SH3RF3: variants seen among roughly 807,000 people sequenced by gnomAD.
SH3RF3 encodes E3 ubiquitin-protein ligase SH3RF3.
SH3RF3 carries 29 observed loss-of-function variants against 66.3 expected under a neutral mutation model. That is an observed-to-expected ratio of 0.44 (90% CI 0.33 to 0.60). SH3RF3 has a LOEUF of 0.60. SH3RF3 is among the 20% of genes least tolerant of loss of function. SH3RF3 has a pLI of 0.04. For missense variants in SH3RF3, 1,194 were observed against 1,190.9 expected (o/e 1.00, Z -0.04); for synonymous variants, 583 against 532.0 (o/e 1.10, Z -1.32).
At chr2:109,232,526 C>T (rs992158854) in intron 1 of SH3RF3, among the ~76,000 whole-genome samples, 1 of 152,120 alleles carries the variant, frequency 6.6e-6, no homozygotes, top group Non-Finnish European at 1.5e-5. Flanking sequence ...AACAGCACAG[C>T]GTCTCCCATG....
intron 1 of SH3RF3, among the ~76,000 whole-genome samples, chr2:109,144,413 C>A (rs936016928): frequency 2.6e-5 from 4 of 152,126 alleles, no homozygotes; most frequent in African/African-American, 9.7e-5. Flanking sequence ...ACAAGCAGAC[C>A]TAGCTTTCAC....
chr2:109,437,138 T>G lies in SH3RF3; in HGVS notation c.1820T>G (p.Ile607Ser). Residue 607 changes from isoleucine (I) to serine (S), a missense_variant, in exon 7 of 10, where the codon ATT (isoleucine) becomes AGT (serine). Transcript: ENST00000309415. ...ACGGCCAGCCAAGCCCGGAGCACCA[T>G]TTCAACAGGTACCTTCACAGGGGCC... ...QPTASQARST[I>S]STAAHSAAQA... 1 of 1,610,044 alleles carries G rather than the reference T, an allele frequency of 6.2e-7. No individual in the cohort carries two copies. The highest frequency in any genetic ancestry group is 8.5e-7 in the Non-Finnish European group (1 of 1,177,452).
At chr2:109,150,186 C>T (rs1029512583) in intron 1 of SH3RF3, among the ~76,000 whole-genome samples, 1 of 152,098 alleles carries the variant, frequency 6.6e-6, no homozygotes, top group African/African-American at 2.4e-5. Flanking sequence ...CAGATCTGCA[C>T]CTGGAAGATG....
chr2:109,400,072 G>T (rs1290183749), intron 4 of SH3RF3, among the ~76,000 whole-genome samples: 1 of 152,190 alleles, frequency 6.6e-6, no homozygotes, highest in East Asian at 1.9e-4. Context: ...CAACTGGCTG[G>T]GAAGAACTGT....
chr2:109,188,234 G>A (rs977027459), intron 1 of SH3RF3, among the ~76,000 whole-genome samples: 1 of 152,246 alleles, frequency 6.6e-6, no homozygotes, highest in Non-Finnish European at 1.5e-5. Context: ...TGTAGCAGGG[G>A]TGCCTCTGAA....
intron 5 of SH3RF3, among the ~76,000 whole-genome samples, chr2:109,424,808 A>G (rs546297742): frequency 8.5e-5 from 13 of 152,200 alleles, no homozygotes; most frequent in African/African-American, 2.9e-4. Flanking sequence ...CTTAGACACA[A>G]CAATACTGAA....
At chr2:109,173,830 C>T (rs1007813524) in intron 1 of SH3RF3, among the ~76,000 whole-genome samples, 4 of 152,208 alleles carry the variant, frequency 2.6e-5, no homozygotes, top group African/African-American at 7.2e-5. Context: ...GGAACACTGC[C>T]GTCGTCCTTG....
At chr2:109,322,464 G>C (rs1408420888) in intron 1 of SH3RF3, among the ~76,000 whole-genome samples, 4 of 152,162 alleles carry the variant, frequency 2.6e-5, no homozygotes, top group Non-Finnish European at 5.9e-5. Flanking sequence ...GCTTAAATCA[G>C]CCAATAAAAT....
chr2:109,238,482 TGTGTGTGTGTGTGTGTGA>T (rs1679701680), intron 1 of SH3RF3, among the ~76,000 whole-genome samples: 1 of 140,256 alleles, frequency 7.1e-6, no homozygotes, highest in African/African-American at 2.9e-5. Flanking sequence ...TGTGTGTGTG[TGTGTGTGTGTGTGTGTGA>T]GAGTGAGACA....
chr2:109,222,001 G>A (rs1402162603), intron 1 of SH3RF3, among the ~76,000 whole-genome samples: 2 of 152,018 alleles, frequency 1.3e-5, no homozygotes, highest in South Asian at 2.1e-4. Flanking sequence ...AAACACAGGG[G>A]ATACTATTCA....
intron 1 of SH3RF3, among the ~76,000 whole-genome samples, chr2:109,135,478 C>T (rs770643226): frequency 1.3e-5 from 2 of 152,180 alleles, no homozygotes; most frequent in African/African-American, 2.4e-5. Context: ...AATAGGATAA[C>T]GTATGTGCAG....
intron 1 of SH3RF3, among the ~76,000 whole-genome samples, chr2:109,285,457 C>T (rs1306841350): frequency 6.6e-6 from 1 of 152,172 alleles, no homozygotes; most frequent in Admixed American, 6.5e-5. Flanking sequence ...CTGTGCCGTG[C>T]GTTTTTGTTA....
At chr2:109,193,585 T>A (rs1254657656) in intron 1 of SH3RF3, among the ~76,000 whole-genome samples, 2 of 152,192 alleles carry the variant, frequency 1.3e-5, no homozygotes, top group Non-Finnish European at 2.9e-5. Context: ...GTGCCATTCA[T>A]TTTTTTAATG....
chr2:109,403,183 G>A (rs1396403921), intron 4 of SH3RF3, among the ~76,000 whole-genome samples: 1 of 152,204 alleles, frequency 6.6e-6, no homozygotes, highest in South Asian at 2.1e-4. Context: ...CAGAGTGCCC[G>A]AGCACCATGA....
At chr2:109,354,850 T>G (rs1397146559) in intron 2 of SH3RF3, among the ~76,000 whole-genome samples, 1 of 152,228 alleles carries the variant, frequency 6.6e-6, no homozygotes, top group Non-Finnish European at 1.5e-5. Context: ...AAAATGCACT[T>G]TAAAGACTCC....
intron 7 of SH3RF3, among the ~76,000 whole-genome samples, chr2:109,437,640 C>T (rs1573251723): frequency 6.6e-6 from 1 of 152,136 alleles, no homozygotes. Context: ...GACTCGGGCC[C>T]AGGCTCTTCC....
chr2:109,129,245 C>A lies in SH3RF3; in HGVS notation c.-296C>A, dbSNP rs1318689372. 4 of 573,708 alleles carry A rather than the reference C, an allele frequency of 7.0e-6. No homozygotes were observed. The highest frequency in any genetic ancestry group is 9.4e-6 in the Non-Finnish European group (3 of 320,070). The allele number at this position is 573,708 out of a possible 1,614,324, so 35.5% of individuals were successfully genotyped here. A position where few individuals can be genotyped will look rare whatever the true frequency, so the allele number is the denominator to read the frequency against. On this transcript the variant is annotated 5_prime_UTR_variant, in exon 1 of 10. Coordinates refer to ENST00000309415, the MANE Select transcript of SH3RF3 (RefSeq NM_001099289.3). ...CTTCGTGCCCGGCAGCACCCCCGGT[C>A]CCCCGCGCGGGGCGGACTTGCGGCG...
At chr2:109,187,006 G>A (rs1380759587) in intron 1 of SH3RF3, among the ~76,000 whole-genome samples, 6 of 149,728 alleles carry the variant, frequency 4.0e-5, no homozygotes, top group Non-Finnish European at 9.0e-5. Flanking sequence ...TCCCAGAGGC[G>A]GAGCTGGGCC....
chr2:109,264,688 G>A (rs577652442), intron 1 of SH3RF3, among the ~76,000 whole-genome samples: 1 of 152,328 alleles, frequency 6.6e-6, no homozygotes, highest in African/African-American at 2.4e-5. Flanking sequence ...GAGCCCAGTG[G>A]ATGCTAGATG....
Sources: gnomAD v4.1 joint callset for allele counts (sites outside exome capture counted in the v4.1 genomes callset) on GRCh38, gnomAD v4.1.1 for gene constraint, MANE v1.5 for transcripts, NCBI Gene and HGNC (gene_info 2026-07-23, HGNC 2026-07-21) for gene names.